THSD4: variants seen among roughly 807,000 people sequenced by gnomAD.
The protein encoded by THSD4 is thrombospondin type 1 domain containing 4.
Under a neutral mutation model 119.0 loss-of-function variants are expected in THSD4, and 69 were observed. The observed-to-expected ratio is 0.58, with a 90% CI of 0.48 to 0.71. The LOEUF is 0.71. Ranked by LOEUF, THSD4 falls within the 30% of genes least tolerant of loss-of-function variation. The pLI is 0.00. For synonymous variants in THSD4, 524 were observed against 540.4 expected (o/e 0.97, Z 0.42); for missense variants, 1,393 against 1,391.1 (o/e 1.00, Z -0.02).
intron 8 of THSD4, among the ~76,000 whole-genome samples, chr15:71,678,976 T>A (rs1048700012): frequency 6.6e-6 from 1 of 152,196 alleles, no homozygotes; most frequent in Non-Finnish European, 1.5e-5. Context: ...TATCTAGTGT[T>A]TAGTGTGAAT....
chr15:71,680,184 C>T (rs1277282614), intron 8 of THSD4, among the ~76,000 whole-genome samples: 3 of 152,128 alleles, frequency 2.0e-5, no homozygotes, highest in South Asian at 2.1e-4. Context: ...AGCTAAATCC[C>T]TTCCCTTGTC....
intron 7 of THSD4, among the ~76,000 whole-genome samples, chr15:71,452,352 C>T (rs2047276634): frequency 6.6e-6 from 1 of 151,944 alleles, no homozygotes; most frequent in South Asian, 2.1e-4. Context: ...GTTTTCTATT[C>T]CCACCCCCAG....
chr15:71,442,929 A>C (rs1373389136), intron 7 of THSD4, among the ~76,000 whole-genome samples: 1 of 151,184 alleles, frequency 6.6e-6, no homozygotes, highest in Non-Finnish European at 1.5e-5. Flanking sequence ...TGTGCTTGAC[A>C]CCTTCTTGTT....
chr15:71,097,367 C>T (rs1246211859), intron 1 of THSD4, among the ~76,000 whole-genome samples: 1 of 151,966 alleles, frequency 6.6e-6, no homozygotes, highest in Non-Finnish European at 1.5e-5. Flanking sequence ...GAGTTCGCAA[C>T]CAGCCTGAGC....
intron 7 of THSD4, among the ~76,000 whole-genome samples, chr15:71,519,168 C>T (rs1046354682): frequency 6.6e-6 from 1 of 151,952 alleles, no homozygotes; most frequent in African/African-American, 2.4e-5. Flanking sequence ...GAGGAAACAG[C>T]AAGCGCAAAG....
Position 71,355,610 on chromosome 15 carries a change from C to T in THSD4, c.1016-56077C>T, listed in dbSNP as rs140426831. ...GATAATGAGGAAAAGAGGACTGTCC[C>T]GGGTGCTGGTCAGTTAGGAGAGGAA... is the stretch of plus-strand genomic sequence containing the variant. On this transcript the variant is annotated intron_variant, in intron 6 of 17. Coordinates refer to ENST00000261862, the MANE Select transcript of THSD4 (RefSeq NM_024817.3). 1.2e-4 allele frequency among the ~76,000 whole-genome samples: 18 copies of T among 152,188 alleles called. No homozygotes were observed. The East Asian group carries it at 2.5e-3, about 21-fold the overall frequency.
intron 6 of THSD4, among the ~76,000 whole-genome samples, chr15:71,319,809 G>A (rs1260608744): frequency 6.6e-6 from 1 of 152,172 alleles, no homozygotes; most frequent in Non-Finnish European, 1.5e-5. Flanking sequence ...GGATGGCCCT[G>A]AATGTGAGTT....
intron 7 of THSD4, among the ~76,000 whole-genome samples, chr15:71,477,448 G>T (rs1319368270): frequency 6.6e-6 from 1 of 152,208 alleles, no homozygotes; most frequent in Non-Finnish European, 1.5e-5. Context: ...GACAGCTCTT[G>T]TGCCTGGAAG....
chr15:71,197,410 T>C (rs2043729708), intron 3 of THSD4, among the ~76,000 whole-genome samples: 1 of 152,224 alleles, frequency 6.6e-6, no homozygotes, highest in Non-Finnish European at 1.5e-5. Flanking sequence ...CTGCCTCATG[T>C]GGCTTTTCAG....
chr15:71,603,358 A>C (rs1355181841), intron 7 of THSD4, among the ~76,000 whole-genome samples: 1 of 152,166 alleles, frequency 6.6e-6, no homozygotes, highest in Non-Finnish European at 1.5e-5. Context: ...GGAACTAAAG[A>C]AGCCAGGCTC....
upstream of THSD4, chr15:71,111,126 C>T: frequency 6.3e-7 from 1 of 1,591,100 alleles, no homozygotes; most frequent in Non-Finnish European, 8.6e-7. Context: ...CAAAAGTTGT[C>T]TTGTACCAGG....
chr15:71,143,745 AC>A (rs2040629855), intron 2 of THSD4, among the ~76,000 whole-genome samples: 1 of 123,536 alleles, frequency 8.1e-6, no homozygotes. Context: ...TTTGCTTATC[AC>A]CCAGGCTGGA....
At chr15:71,549,429 T>C (rs2048893010) in intron 7 of THSD4, among the ~76,000 whole-genome samples, 1 of 152,118 alleles carries the variant, frequency 6.6e-6, no homozygotes, top group Admixed American at 6.5e-5. Context: ...TCCTAGGAAA[T>C]TATACAATTA....
chr15:71,350,543 A>G (rs2045730903), intron 6 of THSD4, among the ~76,000 whole-genome samples: 1 of 152,152 alleles, frequency 6.6e-6, no homozygotes, highest in African/African-American at 2.4e-5. Flanking sequence ...AAAAGTGACT[A>G]TTTTTTGACT....
At chr15:71,475,878 G>A (rs1332840820) in intron 7 of THSD4, among the ~76,000 whole-genome samples, 2 of 152,020 alleles carry the variant, frequency 1.3e-5, no homozygotes, top group African/African-American at 2.4e-5. Context: ...AGTAAGCTAG[G>A]ATCATGCCAC....
At chr15:71,288,801 G>A (rs894244702) in intron 6 of THSD4, among the ~76,000 whole-genome samples, 1 of 152,138 alleles carries the variant, frequency 6.6e-6, no homozygotes, top group African/African-American at 2.4e-5. Context: ...TACATAACAA[G>A]CTTGCTGATG....
intron 3 of THSD4, among the ~76,000 whole-genome samples, chr15:71,164,589 G>C (rs1408287757): frequency 6.6e-6 from 1 of 151,830 alleles, no homozygotes; most frequent in Non-Finnish European, 1.5e-5. Context: ...ATACCACCAG[G>C]ACAGGGCTAT....
At chr15:71,158,084 A>C (rs566685447) in intron 3 of THSD4, among the ~76,000 whole-genome samples, 3 of 151,058 alleles carry the variant, frequency 2.0e-5, no homozygotes, top group South Asian at 4.2e-4. Context: ...TGGCTGTACT[A>C]ATTTACAGTC....
intron 1 of THSD4, among the ~76,000 whole-genome samples, chr15:71,104,196 G>C (rs995879061): frequency 6.7e-6 from 1 of 150,238 alleles, no homozygotes; most frequent in Non-Finnish European, 1.5e-5. Context: ...GGCATTTATT[G>C]TCTCCCCCAC....
Sources: allele counts gnomAD v4.1 joint callset (sites outside exome capture counted in the v4.1 genomes callset), GRCh38; gene constraint gnomAD v4.1.1; transcripts MANE v1.5; gene names NCBI Gene and HGNC (gene_info 2026-07-23, HGNC 2026-07-21).